The following FHIT variants were observed in gnomAD, a reference collection of about 807,000 sequenced individuals.
The protein encoded by FHIT is bis(5'-adenosyl)-triphosphatase.
FHIT carries 19 observed loss-of-function variants against 17.9 expected under a neutral mutation model. That is an observed-to-expected ratio of 1.06 (90% CI 0.74 to 1.56). The LOEUF is 1.56. FHIT is among the 40% of genes most tolerant of loss of function. The pLI is 0.00. For synonymous variants in FHIT, 81 were observed against 69.7 expected, an observed-to-expected ratio of 1.16 and a Z score of -0.81; for missense variants, 248 against 189.2, an observed-to-expected ratio of 1.31 and a Z score of -1.82.
intron 5 of FHIT, among the ~76,000 whole-genome samples, chr3:60,436,632 A>C (rs2030275633): frequency 6.6e-6 from 1 of 152,126 alleles, no homozygotes; most frequent in Admixed American, 6.6e-5. Flanking sequence ...TTGTTGGTTT[A>C]AAAAATCATT....
chr3:61,070,686 C>G (rs1386931541), intron 2 of FHIT, among the ~76,000 whole-genome samples: 2 of 152,270 alleles, frequency 1.3e-5, no homozygotes, highest in East Asian at 3.9e-4. Context: ...CCCAGGACAC[C>G]TTTTGAGAGC....
At chr3:59,973,302 T>G (rs1452843896) in intron 7 of FHIT, among the ~76,000 whole-genome samples, 1 of 152,130 alleles carries the variant, frequency 6.6e-6, no homozygotes. Flanking sequence ...AAATAGAGAC[T>G]TGGATCCCAA....
chr3:60,485,930 T>C (rs964879569), intron 5 of FHIT, among the ~76,000 whole-genome samples: 1 of 151,154 alleles, frequency 6.6e-6, no homozygotes, highest in African/African-American at 2.4e-5. Flanking sequence ...AGAGAAAAAA[T>C]AAATGAAAAG....
chr3:59,871,396 T>C (rs749059055), intron 8 of FHIT, among the ~76,000 whole-genome samples: 78 of 152,296 alleles, frequency 5.1e-4, no homozygotes, highest in Non-Finnish European at 8.2e-4. Context: ...TGCTCTCTTA[T>C]ATGTTAACAA....
chr3:60,670,719 A>T (rs1272952270), intron 4 of FHIT, among the ~76,000 whole-genome samples: 1 of 152,200 alleles, frequency 6.6e-6, no homozygotes, highest in Non-Finnish European at 1.5e-5. Flanking sequence ...TTCTCTTCAA[A>T]TCTTACCTAT....
At chr3:60,817,369 T>C (rs1701778451) in intron 4 of FHIT, among the ~76,000 whole-genome samples, 1 of 152,108 alleles carries the variant, frequency 6.6e-6, no homozygotes, top group African/African-American at 2.4e-5. Flanking sequence ...TCTCACTTTA[T>C]AGCCTGAACA....
intron 2 of FHIT, among the ~76,000 whole-genome samples, chr3:61,079,609 A>G (rs1225642540): frequency 6.6e-6 from 1 of 152,194 alleles, no homozygotes; most frequent in African/African-American, 2.4e-5. Context: ...TCTAGTGTCT[A>G]TGTAATTTAT....
intron 7 of FHIT, among the ~76,000 whole-genome samples, chr3:59,976,320 C>G (rs1302041665): frequency 6.6e-6 from 1 of 152,068 alleles, no homozygotes; most frequent in Non-Finnish European, 1.5e-5. Flanking sequence ...TCCAAAAATA[C>G]CCGCTAAAGG....
intron 5 of FHIT, among the ~76,000 whole-genome samples, chr3:60,067,322 T>C (rs965410042): frequency 3.3e-5 from 5 of 151,262 alleles, no homozygotes; most frequent in Admixed American, 6.6e-5. Context: ...CAAATATGTA[T>C]TGAATGAATG....
At chr3:61,205,690 T>A (rs980900482) in intron 1 of FHIT, among the ~76,000 whole-genome samples, 3 of 152,236 alleles carry the variant, frequency 2.0e-5, no homozygotes, top group African/African-American at 7.2e-5. Context: ...GTAAATTTAT[T>A]TGAGTTCATT....
rs1405597834 is a variant in FHIT at position 60,832,173 on chromosome 3, C to A, written c.-110-10162G>T. ...TAAAGTATGCAATCTTCACAATGAC[C>A]TTAAAAGTACTATTATTTTGTACTT... On this transcript the variant is annotated intron_variant, in intron 3 of 9. Transcript: ENST00000492590. Among the ~76,000 whole-genome samples the A allele has an allele frequency of 2.6e-5, 4 of 151,714 alleles. No homozygotes were observed. The East Asian group carries it at 7.7e-4, about 29-fold the overall frequency.
In FHIT at chr3:60,956,066, C is replaced by G. The variant is rs1233508497; in HGVS notation, c.-111+85981G>C. On this transcript the variant is annotated intron_variant, in intron 3 of 9. Coordinates refer to ENST00000492590, the MANE Select transcript of FHIT (RefSeq NM_002012.4). ...TTTGTCCTCATGCAACTAGAATAGT[C>G]CAAAGGTTTCTAACAGTCAACTCAT... Among the ~76,000 whole-genome samples the G allele has an allele frequency of 3.9e-5, 6 of 152,144 alleles. 1 individual carries two copies. The highest frequency in any genetic ancestry group is 1.9e-4 in the East Asian group (1 of 5,162).
chr3:60,374,638 A>G (rs1208106244), intron 5 of FHIT, among the ~76,000 whole-genome samples: 2 of 150,972 alleles, frequency 1.3e-5, no homozygotes, highest in Non-Finnish European at 2.9e-5. Flanking sequence ...AAGCATTGAC[A>G]TTTATGTAGA....
chr3:60,346,501 G>T (rs1049212098), intron 5 of FHIT, among the ~76,000 whole-genome samples: 1 of 152,172 alleles, frequency 6.6e-6, no homozygotes, highest in South Asian at 2.1e-4. Context: ...AGGAGCCTGT[G>T]CTCTTCAGCT....
chr3:60,029,580 G>A (rs1482715721), intron 5 of FHIT, among the ~76,000 whole-genome samples: 1 of 152,098 alleles, frequency 6.6e-6, no homozygotes, highest in Admixed American at 6.6e-5. Flanking sequence ...TAAAGTCAAA[G>A]TTCTCTTTTG....
At chr3:59,779,169 T>G (rs1232555895) in intron 8 of FHIT, among the ~76,000 whole-genome samples, 1 of 152,076 alleles carries the variant, frequency 6.6e-6, no homozygotes, top group Non-Finnish European at 1.5e-5. Flanking sequence ...ATATATTTGT[T>G]GGCTCATTAG....
chr3:60,684,481 T>C (rs1352425371), intron 4 of FHIT, among the ~76,000 whole-genome samples: 3 of 152,084 alleles, frequency 2.0e-5, no homozygotes, highest in East Asian at 3.9e-4. Flanking sequence ...CCAGAGTTCA[T>C]GTTCTTTCCA....
chr3:61,188,584 A>T (rs199789288), intron 2 of FHIT, among the ~76,000 whole-genome samples: 1 of 152,208 alleles, frequency 6.6e-6, no homozygotes, highest in African/African-American at 2.4e-5. Context: ...TCATTTTATG[A>T]GGCCAGCATC....
At chr3:60,511,981 G>A (rs987498394) in intron 5 of FHIT, among the ~76,000 whole-genome samples, 15 of 151,764 alleles carry the variant, frequency 9.9e-5, no homozygotes. Flanking sequence ...GACAAAAAGG[G>A]GCTAAAAAAA....
Sources: gnomAD v4.1 joint callset for allele counts (sites outside exome capture counted in the v4.1 genomes callset) on GRCh38, gnomAD v4.1.1 for gene constraint, MANE v1.5 for transcripts, NCBI Gene and HGNC (gene_info 2026-07-23, HGNC 2026-07-21) for gene names.